The following ERC2 variants were observed in gnomAD, a reference collection of about 807,000 sequenced individuals.
ERC2 encodes the protein ERC protein 2.
Under a neutral mutation model 114.8 loss-of-function variants are expected in ERC2, and 42 were observed. The observed-to-expected ratio is 0.37, with a 90% confidence interval of 0.29 to 0.47. The LOEUF (loss-of-function observed/expected upper bound fraction) is 0.47, where lower values mean the gene tolerates loss of function less well. Among genes scored for constraint, ERC2 ranks in the 20% least tolerant of loss-of-function variants. ERC2 has a pLI of 0.99. For missense variants in ERC2, 939 were observed against 1,150.7 expected (o/e 0.82, Z 2.66); for synonymous variants, 454 against 425.5 (o/e 1.07, Z -0.82).
At chr3:55,801,112 C>T (rs544346242) in intron 14 of ERC2, among the ~76,000 whole-genome samples, 1 of 152,332 alleles carries the variant, frequency 6.6e-6, no homozygotes, top group South Asian at 2.1e-4. Flanking sequence ...AAAATTGCTT[C>T]TTGAATTATC....
chr3:55,651,233 G>A (rs1255837085), intron 17 of ERC2, among the ~76,000 whole-genome samples: 6 of 151,998 alleles, frequency 3.9e-5, no homozygotes, highest in Admixed American at 3.9e-4. Context: ...ATGTCATTCT[G>A]CAAGTCCACA....
chr3:55,716,157 C>G (rs2064110329), intron 15 of ERC2, among the ~76,000 whole-genome samples: 1 of 152,182 alleles, frequency 6.6e-6, no homozygotes, highest in Admixed American at 6.5e-5. Context: ...CAGTGGCTCC[C>G]TATGTCATGT....
chr3:56,361,083 C>T lies in ERC2; in HGVS notation c.658-64648G>A, dbSNP rs140624419. Among the ~76,000 whole-genome samples, 152 of 152,164 alleles carry T rather than the reference C, an allele frequency of 1.0e-3. 2 individuals carry two copies. In the East Asian group the frequency reaches 0.019, roughly 19 times the overall value. On this transcript the variant is annotated intron_variant, in intron 2 of 17. Transcript: ENST00000288221. ...TAACTGAACTGTGAGAGAACTAGAA[C>T]CGGGCTGAAGAGAAAGACCAGGGGC...
chr3:56,335,686 T>C (rs138058138), intron 2 of ERC2, among the ~76,000 whole-genome samples: 190 of 152,308 alleles, frequency 1.2e-3, no homozygotes, highest in African/African-American at 4.3e-3. Flanking sequence ...CAAATCAATC[T>C]AGCATCAGAC....
At chr3:55,796,252 G>A (rs1353657182) in intron 14 of ERC2, among the ~76,000 whole-genome samples, 4 of 151,044 alleles carry the variant, frequency 2.6e-5, no homozygotes, top group Non-Finnish European at 4.4e-5. Flanking sequence ...CTTTGTTTGA[G>A]AAGAAAAGTG....
chr3:55,563,002 TTTAAAGATGC>T (rs2056128582), intron 17 of ERC2, among the ~76,000 whole-genome samples: 1 of 152,174 alleles, frequency 6.6e-6, no homozygotes, highest in Non-Finnish European at 1.5e-5. Context: ...TTGTAATTCA[TTTAAAGATGC>T]TTAAAAACCC....
chr3:55,690,541 C>A (rs2062588180), intron 16 of ERC2, among the ~76,000 whole-genome samples: 1 of 152,068 alleles, frequency 6.6e-6, no homozygotes, highest in African/African-American at 2.4e-5. Context: ...CAGGCTATGT[C>A]TGAAAAACCC....
At chr3:56,250,776 T>G (rs930394377) in intron 3 of ERC2, among the ~76,000 whole-genome samples, 4 of 152,188 alleles carry the variant, frequency 2.6e-5, no homozygotes, top group African/African-American at 9.7e-5. Context: ...TTGCCTTCAT[T>G]TTCTAAAACT....
At chr3:55,737,399 G>A (rs189594299) in intron 14 of ERC2, among the ~76,000 whole-genome samples, 2 of 152,296 alleles carry the variant, frequency 1.3e-5, no homozygotes, top group Admixed American at 1.3e-4. Flanking sequence ...ACATGCTTGC[G>A]GCTCCCAGCC....
chr3:56,392,387 T>C (rs2060159822), intron 2 of ERC2, among the ~76,000 whole-genome samples: 1 of 152,174 alleles, frequency 6.6e-6, no homozygotes, highest in Non-Finnish European at 1.5e-5. Flanking sequence ...ACCAAAAGTA[T>C]CCTCTATCTT....
intron 17 of ERC2, among the ~76,000 whole-genome samples, chr3:55,623,517 A>T (rs1203870594): frequency 6.6e-6 from 1 of 152,178 alleles, no homozygotes; most frequent in African/African-American, 2.4e-5. Flanking sequence ...GTTTCAGTAA[A>T]CAACATTTTT....
At chr3:56,215,672 CA>C (rs2049414482) in intron 3 of ERC2, among the ~76,000 whole-genome samples, 1 of 152,182 alleles carries the variant, frequency 6.6e-6, no homozygotes, top group African/African-American at 2.4e-5. Flanking sequence ...CTCTCCACCC[CA>C]AATCAACAGA....
At chr3:56,461,925 G>GA (rs1305044584) in intron 1 of ERC2, among the ~76,000 whole-genome samples, 2 of 151,966 alleles carry the variant, frequency 1.3e-5, no homozygotes, top group African/African-American at 4.8e-5. Flanking sequence ...GTAAAGAGAA[G>GA]AAAAAAAGGA....
intron 17 of ERC2, among the ~76,000 whole-genome samples, chr3:55,632,899 A>T (rs1446322684): frequency 6.6e-6 from 1 of 152,242 alleles, no homozygotes; most frequent in Admixed American, 6.5e-5. Context: ...GTCCCAAATT[A>T]GTTTCGCCAG....
At chr3:55,774,537 C>T (rs2068457768) in intron 14 of ERC2, among the ~76,000 whole-genome samples, 1 of 152,234 alleles carries the variant, frequency 6.6e-6, no homozygotes, top group Non-Finnish European at 1.5e-5. Context: ...CCAGTGGTTT[C>T]CCAAAGACCT....
At chr3:56,430,504 G>A (rs575054551) in intron 2 of ERC2, among the ~76,000 whole-genome samples, 8 of 152,156 alleles carry the variant, frequency 5.3e-5, no homozygotes, top group African/African-American at 9.6e-5. Context: ...CACATCATGA[G>A]GCAAAAGCAC....
intron 14 of ERC2, among the ~76,000 whole-genome samples, chr3:55,815,100 T>C (rs1373860812): frequency 6.6e-6 from 1 of 152,182 alleles, no homozygotes; most frequent in Admixed American, 6.5e-5. Flanking sequence ...CTTTAAATAC[T>C]GGAATGGGGC....
chr3:56,367,475 CTT>C (rs111272234), intron 2 of ERC2, among the ~76,000 whole-genome samples: 4,224 of 152,218 alleles, frequency 0.028, 64 homozygotes, highest in South Asian at 0.072. Flanking sequence ...TCTCTCAACT[CTT>C]CTCTTTGTCA....
intron 14 of ERC2, among the ~76,000 whole-genome samples, chr3:55,778,165 T>A (rs2068762136): frequency 6.6e-6 from 1 of 152,228 alleles, no homozygotes; most frequent in Non-Finnish European, 1.5e-5. Flanking sequence ...TATAACTAAA[T>A]GAATACACGT....
Sources: allele counts gnomAD v4.1 joint callset (sites outside exome capture counted in the v4.1 genomes callset), GRCh38; gene constraint gnomAD v4.1.1; transcripts MANE v1.5; gene names NCBI Gene and HGNC (gene_info 2026-07-23, HGNC 2026-07-21).